The following C15orf40 variants were observed in gnomAD, a reference collection of about 807,000 sequenced individuals.
The protein encoded by C15orf40 is chromosome 15 open reading frame 40.
C15orf40 carries 9 observed loss-of-function variants against 13.9 expected under a neutral mutation model. The observed-to-expected ratio is 0.65, with a 90% confidence interval of 0.39 to 1.13. The LOEUF is 1.13. C15orf40 is among the 50% of genes most tolerant of loss of function. The probability of loss-of-function intolerance (pLI) is 0.01; values close to 1 mark genes in which losing one functional copy is unlikely to be tolerated. For synonymous variants in C15orf40, 95 were observed against 69.2 expected (o/e 1.37, Z -1.85); for missense variants, 225 against 188.5 (o/e 1.19, Z -1.13).
chr15:83,010,435 A>G (rs2031935551), intron 1 of C15orf40, 72 bp from the exon 2 acceptor site: 1 of 1,549,138 alleles, frequency 6.5e-7, no homozygotes, highest in Non-Finnish European at 8.9e-7. Context: ...TTCTTCCACT[A>G]CCCCCTTTCA....
Position 83,008,641 on chromosome 15 carries a change from T to A in C15orf40, c.273A>T (p.Ala91=). The change falls in exon 3 of 4, where the codon GCA becomes GCT. Residue 91 remains alanine, a synonymous_variant. Transcript: ENST00000304177. ...LTAEAVNVAI[A]APPSEGEANA... is the part of the protein sequence containing the mutation. ...TAGCCTCTCCCTCTGATGGAGGTGC[T>A]GCAATAGCTACATTTACAGCCTCTG... 1.2e-6 allele frequency: 2 copies of A among 1,612,700 alleles called. No homozygotes were observed. Among genetic ancestry groups the A allele is most frequent in the Non-Finnish European group, 1.7e-6 (2 of 1,179,516 alleles).
chr15:83,004,224 C>T lies in C15orf40; in HGVS notation c.*1373G>A. The T allele has an allele frequency of 1.4e-6, 1 of 703,420 alleles. No homozygotes were observed. The allele number at this position is 703,420 out of a possible 1,614,324, so 43.6% of individuals were successfully genotyped here. ...CTCCTGGGCTCAAGTGTTCCTCCTG[C>T]CTCAACCTTCCAAAGCGCTGGGATT... On this transcript the variant is annotated 3_prime_UTR_variant, in exon 4 of 4. Coordinates refer to ENST00000304177, the MANE Select transcript of C15orf40 (RefSeq NM_144597.3).
In C15orf40 at chr15:82,999,320, G is replaced by C. The variant is rs1266641595; in HGVS notation, c.*6277C>G. The C allele has an allele frequency of 6.6e-6, 1 of 152,124 alleles. No homozygotes were observed. Among genetic ancestry groups the C allele is most frequent in the African/African-American group, 2.4e-5 (1 of 41,334 alleles). 9.4% of individuals were successfully genotyped at this position (152,124 alleles called of 1,614,324 possible). On this transcript the variant is annotated 3_prime_UTR_variant, in exon 4 of 4. Coordinates refer to ENST00000304177, the MANE Select transcript of C15orf40 (RefSeq NM_144597.3). Reference sequence around the variant, plus strand: ...TGATCCTCCTGCCTCAGCCTCGCAAGTAGCTGAGACTACAGGCACACACCA... The same window carrying C: ...TGATCCTCCTGCCTCAGCCTCGCAACTAGCTGAGACTACAGGCACACACCA...
chr15:82,992,487 G>T (rs1326738779), downstream of C15orf40, among the ~76,000 whole-genome samples: 1 of 151,944 alleles, frequency 6.6e-6, no homozygotes, highest in Non-Finnish European at 1.5e-5. Flanking sequence ...TTGCACTCCA[G>T]CCTGGGCAAC....
chr15:82,991,742 A>G (rs2030870433), downstream of C15orf40, among the ~76,000 whole-genome samples: 1 of 152,176 alleles, frequency 6.6e-6, no homozygotes, highest in South Asian at 2.1e-4. Context: ...GGGCAGTCAC[A>G]CTAAGATGCA....
chr15:82,990,075 G>A, downstream of C15orf40: 1 of 1,304,884 alleles, frequency 7.7e-7, no homozygotes, highest in Non-Finnish European at 1.0e-6. Context: ...TGATAGAAAT[G>A]TTGGCAGCTT....
In C15orf40 at chr15:83,002,525, A is replaced by G. The variant is rs923390003; in HGVS notation, c.*3072T>C. ...AACAATTAGGGTAATTCTTTCTTCTATAGTTACTGCTTTAGGGAACTTGTG... is the reference window on the plus strand; with the variant it reads ...AACAATTAGGGTAATTCTTTCTTCTGTAGTTACTGCTTTAGGGAACTTGTG... On this transcript the variant is annotated 3_prime_UTR_variant, in exon 4 of 4. Coordinates refer to ENST00000304177, the MANE Select transcript of C15orf40 (RefSeq NM_144597.3). 7.9e-5 allele frequency: 12 copies of G among 152,174 alleles called. No homozygotes were observed. Among genetic ancestry groups the G allele is most frequent in the African/African-American group, 2.9e-4 (12 of 41,448 alleles). 9.4% of individuals were successfully genotyped at this position (152,174 alleles called of 1,614,324 possible).
In C15orf40 at chr15:83,003,508, A is replaced by G. The variant is rs1317307120; in HGVS notation, c.*2089T>C. On this transcript the variant is annotated 3_prime_UTR_variant, in exon 4 of 4. Transcript: ENST00000304177. Reference sequence around the variant, plus strand: ...AAATCCACAAGTAAAACGGCTTTACAGCACACATGGCAATGGTCTTGAGAA... The same window carrying G: ...AAATCCACAAGTAAAACGGCTTTACGGCACACATGGCAATGGTCTTGAGAA... 1 of 152,250 alleles carries G rather than the reference A, an allele frequency of 6.6e-6. No individual in the cohort carries two copies. The highest frequency in any genetic ancestry group is 1.5e-5 in the Non-Finnish European group (1 of 68,050). The allele number at this position is 152,250 out of a possible 1,614,324, so 9.4% of individuals were successfully genotyped here.
At position 82,997,935 on chromosome 15, in the gene C15orf40, A is replaced by C. The variant is rs1431399790; in HGVS notation, c.*7662T>G. On this transcript the variant is annotated 3_prime_UTR_variant, in exon 4 of 4. Coordinates refer to ENST00000304177, the MANE Select transcript of C15orf40 (RefSeq NM_144597.3). ...CGGGCAGAGGCGCCCCTCACCTCCC[A>C]GACGGGGCGGCTGGCCGGGCGGAGG... 2 of 110,842 alleles carry C rather than the reference A, an allele frequency of 1.8e-5. No individual in the cohort carries two copies. Among genetic ancestry groups the C allele is most frequent in the Non-Finnish European group, 3.7e-5 (2 of 53,690 alleles). 6.9% of individuals were successfully genotyped at this position (110,842 alleles called of 1,614,324 possible).
chr15:82,990,942 G>A (rs374287215), downstream of C15orf40: 68 of 285,720 alleles, frequency 2.4e-4, no homozygotes, highest in South Asian at 8.2e-3. Context: ...CCTATAAATA[G>A]TGATGCTATA....
In C15orf40 at chr15:83,010,356, C is replaced by T; in HGVS notation, c.119G>A (p.Ser40Asn). ...TGGTCTCTCTGGTTCCTTGCTCTGG[C>T]TTTTACCCTAAAATGACAACCACAC... ...KKAGATTKGK[S>N]QSKEPERPLP... The change falls in exon 2 of 4, where the codon AGC becomes AAC. Residue 40 changes from serine to asparagine, a missense_variant. Ser to Asn is a conservative substitution (Grantham distance 46). Coordinates refer to ENST00000304177, the MANE Select transcript of C15orf40 (RefSeq NM_144597.3). 6.2e-7 allele frequency: 1 copy of T among 1,614,180 alleles called. No homozygotes were observed. The highest frequency in any genetic ancestry group is 8.5e-7 in the Non-Finnish European group (1 of 1,180,024).
downstream of C15orf40, chr15:82,989,921 T>A: frequency 6.2e-7 from 1 of 1,612,596 alleles, no homozygotes; most frequent in Non-Finnish European, 8.5e-7. Context: ...GGACAACAGA[T>A]GGGGGTGGCC....
At chr15:82,991,974 G>A, downstream of C15orf40, 1 of 1,209,924 alleles carries the variant, frequency 8.3e-7, no homozygotes, top group Non-Finnish European at 1.1e-6. Flanking sequence ...CCAGCACTCT[G>A]GGAGGCCGAG....
downstream of C15orf40, among the ~76,000 whole-genome samples, chr15:82,994,480 C>T (rs908112845): frequency 3.3e-5 from 5 of 152,030 alleles, no homozygotes; most frequent in Non-Finnish European, 5.9e-5. Context: ...AAAACTATGC[C>T]GTAGACTGTT....
rs1405078786 is a variant in C15orf40, at chr15:83,011,615, T to C, written c.-8A>G. The C allele has an allele frequency of 1.3e-6, 2 of 1,567,320 alleles. No homozygotes were observed. The highest frequency in any genetic ancestry group is 1.1e-5 in the South Asian group (1 of 88,708). On this transcript the variant is annotated 5_prime_UTR_variant, in exon 1 of 4. Transcript: ENST00000304177. Reference sequence around the variant, plus strand: ...GCTGCGGAGCCGCAGCATCCCCGCCTGGGAAGGCGCCGGAAGAGCCCTCTG... The same window carrying C: ...GCTGCGGAGCCGCAGCATCCCCGCCCGGGAAGGCGCCGGAAGAGCCCTCTG...
rs1342891909 is a variant in C15orf40, at chr15:83,004,869, T to C, written c.*728A>G. ...TTCCAGAACCGTTGTGGAGATATGA[T>C]TTTTAATTTACAATCTAGAAAAACT... is the stretch of plus-strand genomic sequence containing the variant. On this transcript the variant is annotated 3_prime_UTR_variant, in exon 4 of 4. Coordinates refer to ENST00000304177, the MANE Select transcript of C15orf40 (RefSeq NM_144597.3). 1.5e-6 allele frequency: 2 copies of C among 1,303,112 alleles called. No individual in the cohort carries two copies. Among genetic ancestry groups the C allele is most frequent in the Admixed American group, 2.3e-5 (1 of 43,354 alleles). 80.7% of individuals were successfully genotyped at this position (1,303,112 alleles called of 1,614,324 possible). A position where few individuals can be genotyped will look rare whatever the true frequency, so the allele number is the denominator to read the frequency against.
chr15:82,991,808 G>C (rs558560681), downstream of C15orf40: 2 of 1,101,364 alleles, frequency 1.8e-6, no homozygotes, highest in East Asian at 1.2e-4. Flanking sequence ...ACATCAGTAG[G>C]CAAGAAGCCA....
At position 83,002,320 on chromosome 15, in the gene C15orf40, T is replaced by C. The variant is rs2031453627; in HGVS notation, c.*3277A>G. 6.6e-6 allele frequency: 1 copy of C among 152,256 alleles called. No homozygotes were observed. The highest frequency in any genetic ancestry group is 1.5e-5 in the Non-Finnish European group (1 of 68,046). 9.4% of individuals were successfully genotyped at this position (152,256 alleles called of 1,614,324 possible). ...GCAAAATGTTCCCACGTTTAAAATA[T>C]CACCGTTTAAAATGAAGTAAATAGG... On this transcript the variant is annotated 3_prime_UTR_variant, in exon 4 of 4. Coordinates refer to ENST00000304177, the MANE Select transcript of C15orf40 (RefSeq NM_144597.3).
chr15:82,994,659 G>C (rs1382067689), downstream of C15orf40, among the ~76,000 whole-genome samples: 9 of 152,096 alleles, frequency 5.9e-5, no homozygotes, highest in Non-Finnish European at 4.4e-5. Context: ...AGACAAATTA[G>C]ATATTATATG....
Sources: gnomAD v4.1 joint callset for allele counts (sites outside exome capture counted in the v4.1 genomes callset) on GRCh38, gnomAD v4.1.1 for gene constraint, MANE v1.5 for transcripts, NCBI Gene and HGNC (gene_info 2026-07-23, HGNC 2026-07-21) for gene names.